Variants in ASTN2 observed in about 807,000 individuals in gnomAD.
ASTN2 encodes astrotactin-2.
Under a neutral mutation model 139.8 loss-of-function variants are expected in ASTN2, and 54 were observed. The observed-to-expected ratio is 0.39, with a 90% CI of 0.31 to 0.48. ASTN2 has a LOEUF of 0.48. Among genes scored for constraint, ASTN2 ranks in the 20% least tolerant of loss-of-function variants. ASTN2 has a pLI of 0.95. For synonymous variants in ASTN2, 756 were observed against 719.5 expected (o/e 1.05, Z -0.81); for missense variants, 1,565 against 1,725.1 (o/e 0.91, Z 1.64).
intron 2 of ASTN2, among the ~76,000 whole-genome samples, chr9:117,229,350 TG>T (rs1396866740): frequency 6.6e-6 from 1 of 152,206 alleles, no homozygotes; most frequent in Non-Finnish European, 1.5e-5. Context: ...CTCCAAGTCC[TG>T]CTCCCCACAT....
chr9:117,100,925 T>C lies in ASTN2; in HGVS notation c.1169-4774A>G, dbSNP rs75211130. Among the ~76,000 whole-genome samples the C allele has an allele frequency of 5.4e-3, 818 of 152,280 alleles. 8 individuals carry two copies. The highest frequency in any genetic ancestry group is 0.01 in the Middle Eastern group (3 of 294). On this transcript the variant is annotated intron_variant, in intron 4 of 22. Transcript: ENST00000313400. The stretch of plus-strand genomic sequence containing the variant: ...TTAAGTTATTGGAGTCAGACATGAG[T>C]TCTAGTTCTTTGATTCACTTATTAG...
At chr9:117,231,427 T>C (rs1038017665) in intron 2 of ASTN2, among the ~76,000 whole-genome samples, 5 of 152,248 alleles carry the variant, frequency 3.3e-5, no homozygotes, top group African/African-American at 1.2e-4. Flanking sequence ...ATCTTATTGC[T>C]ACTCTATTGG....
chr9:116,530,643 A>G (rs1307555594), intron 19 of ASTN2, among the ~76,000 whole-genome samples: 2 of 152,170 alleles, frequency 1.3e-5, no homozygotes, highest in Non-Finnish European at 2.9e-5. Context: ...ACAAGAAAAT[A>G]TCTGATGAAT....
chr9:116,495,465 A>G (rs1241647234), intron 19 of ASTN2, among the ~76,000 whole-genome samples: 1 of 152,168 alleles, frequency 6.6e-6, no homozygotes, highest in African/African-American at 2.4e-5. Context: ...AGGTACAGAC[A>G]CCAACCAAGT....
chr9:117,139,990 A>G (rs1830036316), intron 4 of ASTN2, among the ~76,000 whole-genome samples: 1 of 152,196 alleles, frequency 6.6e-6, no homozygotes, highest in Non-Finnish European at 1.5e-5. Context: ...CCCTGGCCCC[A>G]CCACTTACTA....
chr9:116,733,133 C>T (rs1381661385), intron 14 of ASTN2, among the ~76,000 whole-genome samples: 1 of 152,236 alleles, frequency 6.6e-6, no homozygotes, highest in African/African-American at 2.4e-5. Context: ...AAAACTCTCA[C>T]TGAGAAAAAT....
chr9:116,823,695 G>A (rs1831549299), intron 11 of ASTN2, among the ~76,000 whole-genome samples: 1 of 152,180 alleles, frequency 6.6e-6, no homozygotes, highest in Non-Finnish European at 1.5e-5. Flanking sequence ...TCCCCAAGAT[G>A]ATTTGCTGAT....
intron 1 of ASTN2, among the ~76,000 whole-genome samples, chr9:117,381,311 C>A (rs187449496): frequency 1.3e-5 from 2 of 152,182 alleles, no homozygotes; most frequent in East Asian, 3.9e-4. Context: ...GTGATAGTGG[C>A]ACAAGTGATA....
chr9:116,628,943 C>T (rs1033838967), intron 17 of ASTN2, among the ~76,000 whole-genome samples: 5 of 152,100 alleles, frequency 3.3e-5, no homozygotes, highest in Non-Finnish European at 7.3e-5. Flanking sequence ...ACACAGATGA[C>T]GAGCATACCA....
intron 10 of ASTN2, among the ~76,000 whole-genome samples, chr9:116,937,516 C>G (rs1835113674): frequency 1.3e-5 from 2 of 152,154 alleles, no homozygotes; most frequent in African/African-American, 4.8e-5. Context: ...TCTACCAAGG[C>G]CAGGGACTTG....
chr9:116,573,783 G>T (rs893764345), intron 19 of ASTN2, among the ~76,000 whole-genome samples: 2 of 152,076 alleles, frequency 1.3e-5, no homozygotes, highest in Non-Finnish European at 2.9e-5. Context: ...TATGGCATTG[G>T]TCAGTGACAG....
rs183536574 is a variant in ASTN2 at position 116,451,186 on chromosome 9, T to C, written c.3498-8633A>G. On this transcript the variant is annotated intron_variant, in intron 20 of 22. Coordinates refer to ENST00000313400, the MANE Select transcript of ASTN2 (RefSeq NM_001365068.1). ...AAACGGTGCTAGGCATCCACTGTTC[T>C]GACTGCTAAATCCCCTGAAATTCAC... Among the ~76,000 whole-genome samples the C allele has an allele frequency of 8.5e-5, 13 of 152,374 alleles. No homozygotes were observed. In the East Asian group the frequency reaches 2.3e-3, roughly 27 times the overall value.
intron 13 of ASTN2, among the ~76,000 whole-genome samples, chr9:116,789,828 G>T (rs1418854445): frequency 1.3e-5 from 2 of 151,536 alleles, no homozygotes; most frequent in Non-Finnish European, 2.9e-5. Context: ...GGAGTAAGTG[G>T]TATCTCACAG....
intron 16 of ASTN2, among the ~76,000 whole-genome samples, chr9:116,712,343 T>G (rs997246826): frequency 2.0e-5 from 3 of 152,196 alleles, no homozygotes; most frequent in African/African-American, 7.2e-5. Flanking sequence ...CCTCTAGCAT[T>G]TACATATTTC....
chr9:116,840,932 G>A (rs961711571), intron 11 of ASTN2, among the ~76,000 whole-genome samples: 1 of 151,784 alleles, frequency 6.6e-6, no homozygotes, highest in Non-Finnish European at 1.5e-5. Context: ...CATCCCAGAC[G>A]ATAGGCGGCC....
At chr9:116,591,730 A>C (rs1049860006) in intron 19 of ASTN2, among the ~76,000 whole-genome samples, 11 of 152,176 alleles carry the variant, frequency 7.2e-5, no homozygotes, top group African/African-American at 2.7e-4. Context: ...TAGTGTTTTA[A>C]CCTTCAGGAA....
At position 116,746,610 on chromosome 9, in the gene ASTN2, A is replaced by T. The variant is rs552266448; in HGVS notation, c.2397-13087T>A. 7.2e-5 allele frequency among the ~76,000 whole-genome samples: 11 copies of T among 152,294 alleles called. 1 individual carries two copies. The South Asian group carries it at 2.3e-3, about 32-fold the overall frequency. On this transcript the variant is annotated intron_variant, in intron 13 of 22. Transcript: ENST00000313400. ...ATTCATGGGTTCCAGGGATTGAGAC[A>T]TGGACATCTTGCATTATTCTGCCTT...
intron 19 of ASTN2, among the ~76,000 whole-genome samples, chr9:116,515,661 T>C (rs1850616620): frequency 1.3e-5 from 2 of 152,128 alleles, no homozygotes; most frequent in African/African-American, 4.8e-5. Context: ...TTTAAATGCA[T>C]TTGAGTTGAG....
intron 10 of ASTN2, among the ~76,000 whole-genome samples, chr9:116,925,860 C>CAACACACA (rs763641769): frequency 6.3e-3 from 144 of 22,914 alleles, no homozygotes; most frequent in Middle Eastern, 0.023. Flanking sequence ...ATACACAACA[C>CAACACACA]AACACACACA....
Sources: allele counts gnomAD v4.1 joint callset (sites outside exome capture counted in the v4.1 genomes callset), GRCh38; gene constraint gnomAD v4.1.1; transcripts MANE v1.5; gene names NCBI Gene and HGNC (gene_info 2026-07-23, HGNC 2026-07-21).